TBC1D9: variants seen among roughly 807,000 people sequenced by gnomAD.
The protein encoded by TBC1D9 is TBC1 domain family member 9A.
A neutral mutation model predicts 132.0 loss-of-function variants in TBC1D9; 63 were observed. The observed-to-expected ratio is 0.48, with a 90% CI of 0.39 to 0.59. The LOEUF (loss-of-function observed/expected upper bound fraction) is 0.59, where lower values mean the gene tolerates loss of function less well. Among genes scored for constraint, TBC1D9 ranks in the 20% least tolerant of loss-of-function variants. TBC1D9 has a pLI of 0.00. For synonymous variants in TBC1D9, 610 were observed against 609.9 expected, an observed-to-expected ratio of 1.00 and a Z score of 0.00; for missense variants, 1,261 against 1,592.7, an observed-to-expected ratio of 0.79 and a Z score of 3.54.
intron 9 of TBC1D9, 69 bp downstream of exon 9, chr4:140,668,848 G>T: frequency 6.4e-7 from 1 of 1,551,294 alleles, no homozygotes; most frequent in Non-Finnish European, 8.7e-7. Flanking sequence ...CATGACTGAA[G>T]GCACAGGGAG....
intron 16 of TBC1D9, among the ~76,000 whole-genome samples, chr4:140,632,020 A>G (rs1736802589): frequency 6.6e-6 from 1 of 152,138 alleles, no homozygotes; most frequent in African/African-American, 2.4e-5. Flanking sequence ...GAGTTCTCCC[A>G]CTAATCTGGG....
chr4:140,708,961 C>T (rs1334523925), intron 1 of TBC1D9, among the ~76,000 whole-genome samples: 1 of 152,116 alleles, frequency 6.6e-6, no homozygotes, highest in Non-Finnish European at 1.5e-5. Flanking sequence ...AATCCCAATA[C>T]TTGGATACTA....
chr4:140,676,818 A>T (rs943750056), intron 6 of TBC1D9, 76 bp downstream of exon 6: 5 of 1,544,162 alleles, frequency 3.2e-6, no homozygotes, highest in Admixed American at 1.9e-5. Flanking sequence ...AATTGTTGGT[A>T]AAAAAATTAT....
chr4:140,695,431 C>T (rs1026303838), intron 2 of TBC1D9, among the ~76,000 whole-genome samples: 3 of 152,188 alleles, frequency 2.0e-5, no homozygotes, highest in African/African-American at 4.8e-5. Flanking sequence ...AGGCACCGTT[C>T]GGCACTGTTG....
At chr4:140,736,517 G>C (rs573496899) in intron 1 of TBC1D9, among the ~76,000 whole-genome samples, 1 of 152,208 alleles carries the variant, frequency 6.6e-6, no homozygotes, top group Non-Finnish European at 1.5e-5. Flanking sequence ...TCCACCCTGG[G>C]TGACAGAGTG....
intron 1 of TBC1D9, among the ~76,000 whole-genome samples, chr4:140,754,904 C>T (rs1204413840): frequency 1.3e-5 from 2 of 152,128 alleles, no homozygotes; most frequent in Admixed American, 6.5e-5. Context: ...TAAGTAAATA[C>T]ATATATCAAG....
In TBC1D9 at chr4:140,621,505, C is replaced by G. The variant is rs557853965; in HGVS notation, c.*690G>C. ...TTGACGTAAATAATCAGAACAATTT[C>G]TTAAATGCAAAATTGGTCTGGTATC... is the stretch of plus-strand genomic sequence containing the variant. On this transcript the variant is annotated 3_prime_UTR_variant, in exon 21 of 21. Transcript: ENST00000442267. The G allele has an allele frequency of 9.9e-4, 151 of 152,256 alleles. No individual in the cohort carries two copies. The highest frequency in any genetic ancestry group is 3.6e-3 in the African/African-American group (149 of 41,530). 9.4% of individuals were successfully genotyped at this position (152,256 alleles called of 1,614,324 possible).
intron 9 of TBC1D9, among the ~76,000 whole-genome samples, chr4:140,666,563 C>G (rs1737448421): frequency 6.6e-6 from 1 of 152,026 alleles, no homozygotes; most frequent in Non-Finnish European, 1.5e-5. Flanking sequence ...TGGTCTCGAT[C>G]TCCTGACCTC....
intron 1 of TBC1D9, among the ~76,000 whole-genome samples, chr4:140,753,055 C>T (rs1738950261): frequency 6.6e-6 from 1 of 152,160 alleles, no homozygotes; most frequent in African/African-American, 2.4e-5. Flanking sequence ...TTTCTTTCTT[C>T]AGTTCTAAGC....
Position 140,751,315 on chromosome 4 carries a change from T to G in TBC1D9, c.130+4601A>C, listed in dbSNP as rs1490117113. On this transcript the variant is annotated intron_variant, in intron 1 of 20. Coordinates refer to ENST00000442267, the MANE Select transcript of TBC1D9 (RefSeq NM_015130.3). ...GTACTTGATTTATGACAAACGTAGC[T>G]CTACAGAACAGTGAAGACAGAATAG... 2.0e-5 allele frequency among the ~76,000 whole-genome samples: 3 copies of G among 152,266 alleles called. No individual in the cohort carries two copies. In the South Asian group the frequency reaches 6.2e-4, roughly 32 times the overall value.
rs535659350 is a variant in TBC1D9, at chr4:140,750,079, C to T, written c.130+5837G>A. 1.2e-4 allele frequency among the ~76,000 whole-genome samples: 18 copies of T among 150,864 alleles called. No homozygotes were observed. The South Asian group carries it at 1.5e-3, about 12-fold the overall frequency. On this transcript the variant is annotated intron_variant, in intron 1 of 20. Transcript: ENST00000442267. ...TTCAGCATCCAAATATAATCAAAAA[C>T]GCTTGGCAAACTAGGAATAAGAACT...
intron 1 of TBC1D9, among the ~76,000 whole-genome samples, chr4:140,725,073 T>C (rs138953729): frequency 9.8e-5 from 15 of 152,292 alleles, no homozygotes; most frequent in Non-Finnish European, 1.6e-4. Context: ...TTTCCACAAA[T>C]ATATTTCACA....
chr4:140,700,169 T>A (rs370034494), intron 2 of TBC1D9, among the ~76,000 whole-genome samples: 2 of 151,240 alleles, frequency 1.3e-5, no homozygotes, highest in East Asian at 3.9e-4. Flanking sequence ...AAAATAAAAG[T>A]CCAGGCGCAG....
intron 1 of TBC1D9, among the ~76,000 whole-genome samples, chr4:140,754,523 G>A (rs1738973593): frequency 7.1e-6 from 1 of 141,352 alleles, no homozygotes; most frequent in Non-Finnish European, 1.5e-5. Context: ...GCTGAGGCAG[G>A]AGAATCACTT....
intron 13 of TBC1D9, among the ~76,000 whole-genome samples, chr4:140,649,124 G>A (rs1225168373): frequency 6.6e-6 from 1 of 152,214 alleles, no homozygotes; most frequent in East Asian, 1.9e-4. Flanking sequence ...ATCCTCCAAA[G>A]AGAACTTGAA....
intron 6 of TBC1D9, among the ~76,000 whole-genome samples, chr4:140,675,501 C>T (rs1240781923): frequency 6.6e-6 from 1 of 152,128 alleles, no homozygotes; most frequent in African/African-American, 2.4e-5. Flanking sequence ...TCTCTGACAT[C>T]CTAACCTGGG....
chr4:140,677,144 A>G, intron 5 of TBC1D9, 43 bp from the exon 6 acceptor site: 1 of 1,604,356 alleles, frequency 6.2e-7, no homozygotes, highest in Non-Finnish European at 8.5e-7. Flanking sequence ...AAATGTTTCC[A>G]TACCTTCTAA....
At chr4:140,724,777 G>GA (rs1010907568) in intron 1 of TBC1D9, among the ~76,000 whole-genome samples, 15 of 151,764 alleles carry the variant, frequency 9.9e-5, no homozygotes, top group African/African-American at 2.9e-4. Flanking sequence ...CAATTTATAG[G>GA]AAAAAAATCT....
chr4:140,634,621 A>T (rs1736848641), intron 15 of TBC1D9, among the ~76,000 whole-genome samples: 1 of 152,218 alleles, frequency 6.6e-6, no homozygotes, highest in South Asian at 2.1e-4. Context: ...CAATGGTAAA[A>T]TCCAGACTTT....
Sources: allele counts gnomAD v4.1 joint callset (sites outside exome capture counted in the v4.1 genomes callset), GRCh38; gene constraint gnomAD v4.1.1; transcripts MANE v1.5; gene names NCBI Gene and HGNC (gene_info 2026-07-23, HGNC 2026-07-21).